The following AFTPH variants were observed in gnomAD, a reference collection of about 807,000 sequenced individuals.
AFTPH encodes the protein aftiphilin.
In AFTPH, 7 loss-of-function variants were observed where a neutral mutation model predicts 72.5. The ratio of observed to expected loss-of-function variants is 0.10; its 90% CI spans 0.05 to 0.18. The LOEUF (loss-of-function observed/expected upper bound fraction) is 0.18, where lower values mean the gene tolerates loss of function less well. Ranked by LOEUF, AFTPH falls within the 10% of genes least tolerant of loss-of-function variation. AFTPH has a pLI of 1.00. For synonymous variants in AFTPH, 337 were observed against 370.1 expected, an observed-to-expected ratio of 0.91 and a Z score of 1.03; for missense variants, 979 against 1,060.5, an observed-to-expected ratio of 0.92 and a Z score of 1.07.
At chr2:64,576,777 A>G (rs1672830512) in intron 6 of AFTPH, among the ~76,000 whole-genome samples, 1 of 151,906 alleles carries the variant, frequency 6.6e-6, no homozygotes, top group Admixed American at 6.6e-5. Context: ...GTTGTTTTTG[A>G]AACAAGAGTT....
exon 9 of AFTPH, chr2:64,592,068 C>A (rs771731657): frequency 1.3e-6 from 2 of 1,580,470 alleles, no homozygotes; most frequent in Non-Finnish European, 1.7e-6. Context: ...TATTGCTTTT[C>A]CTTTTTTCCA....
chr2:64,549,970 C>G (rs1670932409), intron 1 of AFTPH, among the ~76,000 whole-genome samples: 1 of 152,134 alleles, frequency 6.6e-6, no homozygotes, highest in Non-Finnish European at 1.5e-5. Context: ...GTGAAAAAAT[C>G]AATTGATTTG....
intron 2 of AFTPH, among the ~76,000 whole-genome samples, chr2:64,565,331 T>A (rs1007723233): frequency 6.6e-6 from 1 of 151,186 alleles, no homozygotes; most frequent in African/African-American, 2.4e-5. Context: ...AAAAATTAGC[T>A]GGGCGCGGTG....
chr2:64,572,811 A>C, intron 5 of AFTPH, 135 bp from the exon 6 acceptor site: 1 of 1,261,228 alleles, frequency 7.9e-7, no homozygotes, highest in African/African-American at 1.5e-5. Flanking sequence ...CTTAAAAAAA[A>C]AAAAAGACTA....
intron 5 of AFTPH, 121 bp from the exon 6 acceptor site, chr2:64,572,825 C>G: frequency 7.7e-7 from 1 of 1,301,006 alleles, no homozygotes; most frequent in Non-Finnish European, 1.0e-6. Context: ...AAGACTAGTT[C>G]CTTTTTGTCT....
Position 64,582,247 on chromosome 2 carries a change from G to C in AFTPH, c.2455+2701G>C, listed in dbSNP as rs572731045. ...GTTCCTGAGAATTCACTGGTTTTGT[G>C]CTATTCCACTAGATAGTGCTACCAC... On this transcript the variant is annotated intron_variant, in intron 7 of 8. Coordinates refer to ENST00000238856, the Ensembl canonical transcript of AFTPH. 3.7e-4 allele frequency among the ~76,000 whole-genome samples: 56 copies of C among 152,258 alleles called. No individual in the cohort carries two copies. In the South Asian group the frequency reaches 4.1e-3, roughly 11 times the overall value.
intron 8 of AFTPH, among the ~76,000 whole-genome samples, chr2:64,591,472 G>T (rs1673819810): frequency 6.6e-6 from 1 of 152,242 alleles, no homozygotes; most frequent in Admixed American, 6.5e-5. Flanking sequence ...GTTTCAGGCT[G>T]AGGTAGTTTT....
chr2:64,536,109 C>A (rs1669869967), intron 1 of AFTPH, among the ~76,000 whole-genome samples: 1 of 152,130 alleles, frequency 6.6e-6, no homozygotes. Flanking sequence ...AGGTTGAATT[C>A]AGTCGTGGAA....
exon 8 of AFTPH, chr2:64,585,444 G>T (rs1302033619): frequency 6.2e-7 from 1 of 1,611,650 alleles, no homozygotes; most frequent in Non-Finnish European, 8.5e-7. Context: ...AGTTGTATGA[G>T]TTAACAACTT....
chr2:64,555,640 A>G (rs1026631345), intron 2 of AFTPH, among the ~76,000 whole-genome samples: 2 of 151,572 alleles, frequency 1.3e-5, no homozygotes, highest in Non-Finnish European at 2.9e-5. Flanking sequence ...TCATGCTTCT[A>G]TTTTTGCTAA....
chr2:64,565,983 T>G (rs1170930468), intron 2 of AFTPH, among the ~76,000 whole-genome samples: 1 of 152,176 alleles, frequency 6.6e-6, no homozygotes, highest in African/African-American at 2.4e-5. Flanking sequence ...GTGGTAAACA[T>G]TTTTTTCCTA....
chr2:64,591,580 G>C (rs908218454), intron 8 of AFTPH, among the ~76,000 whole-genome samples: 2 of 152,198 alleles, frequency 1.3e-5, no homozygotes. Flanking sequence ...TTATGCCTGG[G>C]TAGATGCTTC....
chr2:64,591,310 G>A (rs561022018), intron 8 of AFTPH, among the ~76,000 whole-genome samples: 7 of 152,338 alleles, frequency 4.6e-5, no homozygotes, highest in Non-Finnish European at 1.0e-4. Context: ...CCAGCAACCA[G>A]CCCTAGTGCT....
intron 1 of AFTPH, among the ~76,000 whole-genome samples, chr2:64,528,746 A>T (rs1669430193): frequency 6.6e-6 from 1 of 152,156 alleles, no homozygotes; most frequent in African/African-American, 2.4e-5. Context: ...GAACAAGTAG[A>T]AGAGTAGTAC....
chr2:64,583,990 C>T (rs1673357069), intron 7 of AFTPH, among the ~76,000 whole-genome samples: 1 of 151,946 alleles, frequency 6.6e-6, no homozygotes, highest in Non-Finnish European at 1.5e-5. Context: ...TAAATATATG[C>T]ATTTATATAT....
At chr2:64,536,203 A>G (rs1382934988) in intron 1 of AFTPH, among the ~76,000 whole-genome samples, 1 of 152,196 alleles carries the variant, frequency 6.6e-6, no homozygotes, top group Non-Finnish European at 1.5e-5. Context: ...GAGGTCAGAC[A>G]TATAGGTAAG....
At chr2:64,524,388 G>T (rs954941012) in exon 1 of AFTPH, 1 of 402,226 alleles carries the variant, frequency 2.5e-6, no homozygotes, top group Non-Finnish European at 4.4e-6. Context: ...GGTGGAGGAG[G>T]CGGCGGCGGC....
chr2:64,567,507 TATG>T (rs1377197642), intron 2 of AFTPH, 52 bp from the exon 3 acceptor site: 3 of 1,555,196 alleles, frequency 1.9e-6, no homozygotes, highest in Non-Finnish European at 2.6e-6. Flanking sequence ...ATGCTATAAC[TATG>T]ATATTATCAA....
intron 1 of AFTPH, among the ~76,000 whole-genome samples, chr2:64,537,782 G>A (rs1669974505): frequency 6.6e-6 from 1 of 152,250 alleles, no homozygotes; most frequent in East Asian, 1.9e-4. Flanking sequence ...ATTCTGTAAA[G>A]AGAAAAAGAA....
Sources: gnomAD v4.1 joint callset for allele counts (sites outside exome capture counted in the v4.1 genomes callset) on GRCh38, gnomAD v4.1.1 for gene constraint, MANE v1.5 for transcripts, NCBI Gene and HGNC (gene_info 2026-07-23, HGNC 2026-07-21) for gene names.